LY6L: variants seen among roughly 807,000 people sequenced by gnomAD.
LY6L encodes lymphocyte antigen 6 family member L.
LY6L carries 8 observed loss-of-function variants against 8.3 expected under a neutral mutation model. The ratio of observed to expected loss-of-function variants is 0.97; its 90% CI spans 0.57 to 1.74. The LOEUF is 1.74. Among genes scored for constraint, LY6L ranks in the 40% most tolerant of loss-of-function variants. The probability of loss-of-function intolerance (pLI) is 0.00; values close to 1 mark genes in which losing one functional copy is unlikely to be tolerated. For missense variants in LY6L, 156 were observed against 183.8 expected (o/e 0.85, Z 0.87); for synonymous variants, 79 against 77.9 (o/e 1.01, Z -0.07).
At chr8:143,080,852 G>A (rs1820415168) in intron 1 of LY6L, among the ~76,000 whole-genome samples, 184 bp from the exon 2 acceptor site, 1 of 151,952 alleles carries the variant, frequency 6.6e-6, no homozygotes, top group Non-Finnish European at 1.5e-5. Context: ...CCTCGGTGAA[G>A]CCCAGTCCAG....
intron 3 of LY6L, among the ~76,000 whole-genome samples, chr8:143,081,933 C>T (rs1820437384): frequency 6.6e-6 from 1 of 152,238 alleles, no homozygotes; most frequent in Non-Finnish European, 1.5e-5. Context: ...TGCATCTCTT[C>T]AGGGGTTCCA....
At position 143,082,725 on chromosome 8, in the gene LY6L, C is replaced by T; in HGVS notation, c.*74C>T. 1 of 1,228,652 alleles carries T rather than the reference C, an allele frequency of 8.1e-7. No individual in the cohort carries two copies. Among genetic ancestry groups the T allele is most frequent in the Non-Finnish European group, 1.1e-6 (1 of 915,064 alleles). 76.1% of individuals were successfully genotyped at this position (1,228,652 alleles called of 1,614,324 possible). A position where few individuals can be genotyped will look rare whatever the true frequency, so the allele number is the denominator to read the frequency against. ...CCTGCCTCCAACTGCCATCCTGCCTCCGCCCCTTCCAGGACACTGGGGGGG... is the reference window on the plus strand; with the variant it reads ...CCTGCCTCCAACTGCCATCCTGCCTTCGCCCCTTCCAGGACACTGGGGGGG... On this transcript the variant is annotated 3_prime_UTR_variant, in exon 4 of 4. Transcript: ENST00000562505.
At position 143,081,195 on chromosome 8, in the gene LY6L, C is replaced by T; in HGVS notation, c.74-16C>T. 3 of 1,526,762 alleles carry T rather than the reference C, an allele frequency of 2.0e-6. No individual in the cohort carries two copies. The highest frequency in any genetic ancestry group is 2.6e-6 in the Non-Finnish European group (3 of 1,140,422). The allele number at this position is 1,526,762 out of a possible 1,614,324, so 94.6% of individuals were successfully genotyped here. On this transcript the variant is annotated splice_polypyrimidine_tract_variant and intron_variant, in intron 2 of 3. Coordinates refer to ENST00000562505, the MANE Select transcript of LY6L (RefSeq NM_001368160.2). ...CTGCGGACGCTGGTCCACAGCGCCC[C>T]GCTTGCTGCCCACAGCTCGCAACCT...
chr8:143,081,404 T>C, intron 3 of LY6L, 77 bp downstream of exon 3: 1 of 944,614 alleles, frequency 1.1e-6, no homozygotes, highest in South Asian at 1.7e-5. Context: ...GCGACTTAGC[T>C]ATGAGTCCTC....
Position 143,081,125 on chromosome 8 carries a change from A to G in LY6L, c.72A>G (p.Pro24=), listed in dbSNP as rs1252535020. 2.6e-6 allele frequency: 4 copies of G among 1,534,290 alleles called. No individual in the cohort carries two copies. Among genetic ancestry groups the G allele is most frequent in the Non-Finnish European group, 3.5e-6 (4 of 1,146,078 alleles). ...AVASAGCATT[P]ARNLSCYQCF... ...CGTCTGCTGGCTGCGCCACGACGCC[A>G]GGTAAGGCGCGGCCCGGGCTGGGCT... Residue 24 remains proline, a splice_region_variant and synonymous_variant, in exon 2 of 4, where the codon CCA becomes CCG. Transcript: ENST00000562505.
At chr8:143,080,964 T>G in intron 1 of LY6L, 72 bp from the exon 2 acceptor site, 1 of 1,175,944 alleles carries the variant, frequency 8.5e-7, no homozygotes, top group Non-Finnish European at 1.2e-6. Context: ...TAAAGCCCCG[T>G]CCGGGAGCAG....
intron 1 of LY6L, 99 bp from the exon 2 acceptor site, chr8:143,080,936 TG>T (rs1220982210): frequency 3.1e-5 from 26 of 830,244 alleles, no homozygotes; most frequent in Non-Finnish European, 4.2e-5. Flanking sequence ...TAGTGTGGGA[TG>T]GGGGGTGCGC....
At chr8:143,080,945 C>A in intron 1 of LY6L, 91 bp from the exon 2 acceptor site, 1 of 917,942 alleles carries the variant, frequency 1.1e-6, no homozygotes, top group Non-Finnish European at 1.6e-6. Flanking sequence ...ATGGGGGGTG[C>A]GCCCTGAGTA....
chr8:143,082,715 C>CA lies in LY6L; in HGVS notation c.*65dup, dbSNP rs1820453424. 1 of 1,280,034 alleles carries CA rather than the reference C, an allele frequency of 7.8e-7. No homozygotes were observed. The highest frequency in any genetic ancestry group is 1.5e-5 in the African/African-American group (1 of 66,582). 79.3% of individuals were successfully genotyped at this position (1,280,034 alleles called of 1,614,324 possible). On this transcript the variant is annotated 3_prime_UTR_variant, in exon 4 of 4. Coordinates refer to ENST00000562505, the MANE Select transcript of LY6L (RefSeq NM_001368160.2). The stretch of plus-strand genomic sequence containing the variant: ...CATCCCGTCTCCTGCCTCCAACTGC[C>CA]ATCCTGCCTCCGCCCCTTCCAGGAC...
intron 1 of LY6L, 86 bp downstream of exon 1, chr8:143,080,745 T>C (rs1331295246): frequency 1.9e-5 from 7 of 371,666 alleles, no homozygotes; most frequent in East Asian, 8.9e-5. Context: ...GAAAGAGAGA[T>C]TGGAAGGGGG....
intron 1 of LY6L, 94 bp downstream of exon 1, chr8:143,080,753 G>C (rs1820411701): frequency 2.5e-6 from 1 of 406,454 alleles, no homozygotes; most frequent in Middle Eastern, 6.3e-4. Context: ...GATTGGAAGG[G>C]GGACCAAAGG....
rs1431578988 is a variant in LY6L at position 143,081,130 on chromosome 8, A to G, written c.73+4A>G. On this transcript the variant is annotated splice_donor_region_variant and intron_variant, in intron 2 of 3. Transcript: ENST00000562505. ...GCTGGCTGCGCCACGACGCCAGGTA[A>G]GGCGCGGCCCGGGCTGGGCTGGGGG... The G allele has an allele frequency of 6.5e-7, 1 of 1,534,276 alleles. No homozygotes were observed. Among genetic ancestry groups the G allele is most frequent in the East Asian group, 2.4e-5 (1 of 40,860 alleles).
rs973952832 is a variant in LY6L, at chr8:143,081,005, C to G, written c.-18-31C>G. 53 of 1,472,098 alleles carry G rather than the reference C, an allele frequency of 3.6e-5. No homozygotes were observed. In the Admixed American group the frequency reaches 1.0e-3, roughly 29 times the overall value. The allele number at this position is 1,472,098 out of a possible 1,614,324, so 91.2% of individuals were successfully genotyped here. On this transcript the variant is annotated intron_variant, in intron 1 of 3. Coordinates refer to ENST00000562505, the MANE Select transcript of LY6L (RefSeq NM_001368160.2). ...TGGGGAGGGGGCTCTCTGGGTGAAG[C>G]CTCCCGCAACACCCACCTCACCCCA...
In LY6L at chr8:143,082,506, C is replaced by A; in HGVS notation, c.272C>A (p.Ala91Asp). The A allele has an allele frequency of 6.5e-7, 1 of 1,535,470 alleles. No homozygotes were observed. The highest frequency in any genetic ancestry group is 8.7e-7 in the Non-Finnish European group (1 of 1,146,696). Residue 91 changes from alanine to aspartate, a missense_variant, in exon 4 of 4, where the codon GCC (alanine) becomes GAC (aspartate). By Grantham distance (126) the Ala-to-Asp change is moderately radical (BLOSUM62 -2). Transcript: ENST00000562505. ...NDNMKFEWSP[A>D]PMVQGVITRR... ...AACATGAAGTTCGAATGGTCGCCGG[C>A]CCCCATGGTGCAAGGCGTGATCACC...
chr8:143,082,377 C>T (rs1027108165), intron 3 of LY6L, 48 bp from the exon 4 acceptor site: 6 of 1,361,634 alleles, frequency 4.4e-6, no homozygotes, highest in Admixed American at 4.0e-5. Flanking sequence ...ACTGTGGATA[C>T]CTCCTTGCTG....
Position 143,082,669 on chromosome 8 carries a change from C to A in LY6L, c.*18C>A, listed in dbSNP as rs1330541624. On this transcript the variant is annotated 3_prime_UTR_variant, in exon 4 of 4. Coordinates refer to ENST00000562505, the MANE Select transcript of LY6L (RefSeq NM_001368160.2). ...TGTTGTGAGGGCCCTCCCTTTACGC[C>A]CCCTCCTGGCCCTGCTGGCCCATCC... The A allele has an allele frequency of 2.1e-5, 30 of 1,441,132 alleles. 1 individual carries two copies. In the Admixed American group the frequency reaches 4.9e-4, roughly 24 times the overall value. 89.3% of individuals were successfully genotyped at this position (1,441,132 alleles called of 1,614,324 possible).
chr8:143,083,445 C>T lies in LY6L; in HGVS notation c.*794C>T, dbSNP rs961580930. Among the ~76,000 whole-genome samples, 10 of 152,268 alleles carry T rather than the reference C, an allele frequency of 6.6e-5. No homozygotes were observed. The highest frequency in any genetic ancestry group is 2.1e-4 in the South Asian group (1 of 4,824). ...TGCCCCCACCTGTGCATTGGGACCACGACCTTCACCCTCTTGGAGACAATA... is the reference window on the plus strand; with the variant it reads ...TGCCCCCACCTGTGCATTGGGACCATGACCTTCACCCTCTTGGAGACAATA... On this transcript the variant is annotated 3_prime_UTR_variant, in exon 4 of 4. Coordinates refer to ENST00000562505, the MANE Select transcript of LY6L (RefSeq NM_001368160.2).
At chr8:143,080,699 G>A (rs1354380340) in intron 1 of LY6L, 40 bp downstream of exon 1, 3 of 255,750 alleles carry the variant, frequency 1.2e-5, no homozygotes, top group East Asian at 1.6e-4. Context: ...CGGGGGCTGG[G>A]ATGAGGGTCG....
chr8:143,081,894 T>C lies in LY6L; in HGVS notation c.191-531T>C, dbSNP rs181448452. Among the ~76,000 whole-genome samples, 8 of 152,360 alleles carry C rather than the reference T, an allele frequency of 5.3e-5. No individual in the cohort carries two copies. In the East Asian group the frequency reaches 1.5e-3, roughly 29 times the overall value. ...AGGGCGATTGATTCCACCCAAGCTC[T>C]TTTCTCAACAGTTTGGGTTTTGATG... is the stretch of plus-strand genomic sequence containing the variant. On this transcript the variant is annotated intron_variant, in intron 3 of 3. Coordinates refer to ENST00000562505, the MANE Select transcript of LY6L (RefSeq NM_001368160.2).
Sources: allele counts gnomAD v4.1 joint callset (sites outside exome capture counted in the v4.1 genomes callset), GRCh38; gene constraint gnomAD v4.1.1; transcripts MANE v1.5; gene names NCBI Gene and HGNC (gene_info 2026-07-23, HGNC 2026-07-21).